The following JHY variants were observed in gnomAD, a reference collection of about 807,000 sequenced individuals.
The protein encoded by JHY is junctional cadherin complex regulator.
A neutral mutation model predicts 78.0 loss-of-function variants in JHY; 69 were observed. The observed-to-expected ratio is 0.88, with a 90% CI of 0.73 to 1.08. The LOEUF is 1.08. JHY is among the 50% of genes least tolerant of loss of function. JHY has a pLI of 0.00. For missense variants in JHY, 944 were observed against 927.8 expected (o/e 1.02, Z -0.23); for synonymous variants, 368 against 342.6 (o/e 1.07, Z -0.82).
chr11:122,949,432 C>T (rs112726932), intron 6 of JHY, among the ~76,000 whole-genome samples: 1 of 152,234 alleles, frequency 6.6e-6, no homozygotes, highest in African/African-American at 2.4e-5. Context: ...TCCATGGATC[C>T]TCAAGTGGGG....
intron 3 of JHY, among the ~76,000 whole-genome samples, chr11:122,915,616 G>A (rs1380733069): frequency 2.0e-5 from 3 of 152,120 alleles, no homozygotes; most frequent in African/African-American, 4.8e-5. Flanking sequence ...GGGTTCAAGC[G>A]ATTCTCCTGC....
At chr11:122,952,134 A>C (rs778970042) in intron 6 of JHY, among the ~76,000 whole-genome samples, 7 of 152,084 alleles carry the variant, frequency 4.6e-5, no homozygotes, top group Non-Finnish European at 8.8e-5. Flanking sequence ...GTGGTTGCCT[A>C]GGGCTGGAGG....
chr11:122,919,710 G>T (rs929147472), intron 3 of JHY, among the ~76,000 whole-genome samples: 1 of 152,138 alleles, frequency 6.6e-6, no homozygotes, highest in Non-Finnish European at 1.5e-5. Flanking sequence ...CAGGCACGGC[G>T]GCTCACGCCT....
chr11:122,919,248 G>A (rs1379109634), intron 3 of JHY, among the ~76,000 whole-genome samples: 1 of 151,478 alleles, frequency 6.6e-6, no homozygotes, highest in Admixed American at 6.6e-5. Context: ...AGCTACTCGG[G>A]GTACTGAGGC....
chr11:122,886,250 T>C lies in JHY; in HGVS notation c.344+57T>C, dbSNP rs147965004. The C allele has an allele frequency of 4.2e-4, 619 of 1,485,648 alleles. 4 individuals carry two copies. The African/African-American group carries it at 8.2e-3, about 20-fold the overall frequency. The allele number at this position is 1,485,648 out of a possible 1,614,324, so 92.0% of individuals were successfully genotyped here. On this transcript the variant is annotated intron_variant, in intron 2 of 8. Transcript: ENST00000227349. ...GGCTCTAAAATGTATCATTAGATAA[T>C]TACTGTCGTCATTCCAAATTAGAGT...
intron 3 of JHY, among the ~76,000 whole-genome samples, chr11:122,906,985 A>G (rs2135312940): frequency 6.6e-6 from 1 of 151,664 alleles, no homozygotes; most frequent in East Asian, 1.9e-4. Flanking sequence ...TTAAGAGATG[A>G]CTCCTATTAT....
chr11:122,936,891 C>T (rs184892656), intron 5 of JHY, among the ~76,000 whole-genome samples: 4 of 152,238 alleles, frequency 2.6e-5, no homozygotes, highest in Admixed American at 1.3e-4. Flanking sequence ...AGGACTATTT[C>T]CTCTTTTTGC....
intron 1 of JHY, 85 bp from the exon 2 acceptor site, chr11:122,885,676 C>T: frequency 1.7e-6 from 1 of 583,342 alleles, no homozygotes; most frequent in Non-Finnish European, 3.0e-6. Flanking sequence ...TAACAAGGTT[C>T]TCTTACTCAT....
chr11:122,900,324 A>G (rs1036063716), intron 2 of JHY, among the ~76,000 whole-genome samples: 6 of 152,198 alleles, frequency 3.9e-5, no homozygotes, highest in African/African-American at 1.4e-4. Flanking sequence ...TAGGGGGACC[A>G]TTAGTTTGTT....
chr11:122,933,779 T>C (rs938641586), intron 4 of JHY, among the ~76,000 whole-genome samples: 3 of 152,228 alleles, frequency 2.0e-5, no homozygotes, highest in Admixed American at 6.5e-5. Flanking sequence ...GTATTTAATA[T>C]TAGATTTGTA....
rs564515467 is a variant in JHY at position 122,904,086 on chromosome 11, C to T, written c.506C>T (p.Thr169Met). ...PLAPLYPSQE[T>M]SMELSGGKGE... ...GCTCCCCTCTACCCTTCCCAGGAGA[C>T]GTCAATGGAACTCTCCGGGGGAAAA... The change falls in exon 3 of 9, where the codon ACG (threonine) becomes ATG (methionine). Residue 169 changes from threonine (T) to methionine (M), a missense_variant. Physicochemically the swap from Thr to Met is moderately conservative, Grantham distance 81. Coordinates refer to ENST00000227349, the MANE Select transcript of JHY (RefSeq NM_024806.4). 2.5e-6 allele frequency: 4 copies of T among 1,614,152 alleles called. No individual in the cohort carries two copies. The highest frequency in any genetic ancestry group is 2.7e-5 in the African/African-American group (2 of 75,030).
rs1247591766 is a variant in JHY at position 122,898,436 on chromosome 11, C to T, written c.345-5489C>T. 8.5e-5 allele frequency among the ~76,000 whole-genome samples: 13 copies of T among 152,150 alleles called. No homozygotes were observed. The highest frequency in any genetic ancestry group is 6.6e-4 in the Admixed American group (10 of 15,260). ...TAAGCCCTCTAAGCCTCAGTTTCCT[C>T]GTCTGTTAAATGGGGGTAATAATAG... On this transcript the variant is annotated intron_variant, in intron 2 of 8. Coordinates refer to ENST00000227349, the MANE Select transcript of JHY (RefSeq NM_024806.4). The surrounding 1 kb of genome is among the most constrained non-coding windows in gnomAD (Gnocchi z 4.4).
Position 122,917,058 on chromosome 11 carries a change from A to ACT in JHY, c.865-7834_865-7833dup, listed in dbSNP as rs1863248601. Among the ~76,000 whole-genome samples the ACT allele has an allele frequency of 6.6e-6, 1 of 151,912 alleles. No homozygotes were observed. The highest frequency in any genetic ancestry group is 2.1e-4 in the South Asian group (1 of 4,816). ...TAACTAAGTTTTCATGAATATAACAACTCTCTATTCATGCTCAGATTTCTT... is the reference window on the plus strand; with the variant it reads ...TAACTAAGTTTTCATGAATATAACAACTCTCTCTATTCATGCTCAGATTTCTT... On this transcript the variant is annotated intron_variant, in intron 3 of 8. Coordinates refer to ENST00000227349, the MANE Select transcript of JHY (RefSeq NM_024806.4). The surrounding 1 kb of genome is among the most constrained non-coding windows in gnomAD (Gnocchi z 4.1).
At chr11:122,900,549 G>T (rs375490705) in intron 2 of JHY, among the ~76,000 whole-genome samples, 5 of 147,922 alleles carry the variant, frequency 3.4e-5, no homozygotes, top group African/African-American at 1.0e-4. Flanking sequence ...AAGACTGGGG[G>T]TGCTTTACAA....
At chr11:122,909,164 A>C (rs1014696367) in intron 3 of JHY, among the ~76,000 whole-genome samples, 1 of 152,244 alleles carries the variant, frequency 6.6e-6, no homozygotes, top group African/African-American at 2.4e-5. Context: ...AATTAATACT[A>C]TAACGGGATT....
intron 2 of JHY, among the ~76,000 whole-genome samples, chr11:122,892,591 G>A (rs1862647277): frequency 6.6e-6 from 1 of 151,948 alleles, no homozygotes; most frequent in African/African-American, 2.4e-5. Flanking sequence ...CAAAGTGCTG[G>A]GATTACAGGC....
chr11:122,922,620 C>T (rs1863392810), intron 3 of JHY, among the ~76,000 whole-genome samples: 1 of 151,814 alleles, frequency 6.6e-6, no homozygotes, highest in African/African-American at 2.4e-5. Context: ...ACCATCCTGG[C>T]TAACACGGTG....
chr11:122,951,121 T>C (rs1864075697), intron 6 of JHY, among the ~76,000 whole-genome samples: 1 of 152,198 alleles, frequency 6.6e-6, no homozygotes, highest in Non-Finnish European at 1.5e-5. Flanking sequence ...TCAAATCTTT[T>C]GGTTTCCAAG....
chr11:122,947,078 T>A, intron 6 of JHY: 1 of 283,490 alleles, frequency 3.5e-6, no homozygotes. Context: ...CCTCCTTTCA[T>A]CCCCAGCTGA....
Sources: gnomAD v4.1 joint callset for allele counts (sites outside exome capture counted in the v4.1 genomes callset) on GRCh38, gnomAD v4.1.1 for gene constraint, Gnocchi (gnomAD v3.1) non-coding constraint, MANE v1.5 for transcripts, NCBI Gene and HGNC (gene_info 2026-07-23, HGNC 2026-07-21) for gene names.